The following SND1 variants were observed in gnomAD, a reference collection of about 807,000 sequenced individuals.
The protein encoded by SND1 is staphylococcal nuclease domain-containing protein 1.
A neutral mutation model predicts 121.7 loss-of-function variants in SND1; 38 were observed. The observed-to-expected ratio is 0.31, with a 90% CI of 0.24 to 0.41. The LOEUF is 0.41. Among genes scored for constraint, SND1 ranks in the 10% least tolerant of loss-of-function variants. SND1 has a pLI of 1.00. For missense variants in SND1, 868 were observed against 1,184.6 expected (o/e 0.73, Z 3.92); for synonymous variants, 401 against 447.4 (o/e 0.90, Z 1.31).
rs75121062 is a variant in SND1, at chr7:127,674,418, A to G, written c.79-12195A>G. Among the ~76,000 whole-genome samples the G allele has an allele frequency of 3.4e-4, 51 of 152,204 alleles. 1 individual carries two copies. In the East Asian group the frequency reaches 8.5e-3, roughly 25 times the overall value. The stretch of plus-strand genomic sequence containing the variant: ...TTTTTCTGGACTTTCTGTATCTGTA[A>G]CTCTCCTCTGAGAAACCTAGCTCTC... On this transcript the variant is annotated intron_variant, in intron 1 of 23. Coordinates refer to ENST00000354725, the MANE Select transcript of SND1 (RefSeq NM_014390.4).
intron 10 of SND1, among the ~76,000 whole-genome samples, chr7:127,734,946 G>C (rs941206453): frequency 1.3e-5 from 2 of 152,180 alleles, no homozygotes; most frequent in African/African-American, 2.4e-5. Context: ...AGAATATTTT[G>C]ATGGGCCAAG....
At chr7:128,050,222 G>C (rs993382706) in intron 16 of SND1, among the ~76,000 whole-genome samples, 4 of 152,164 alleles carry the variant, frequency 2.6e-5, no homozygotes, top group African/African-American at 9.7e-5. Context: ...TTTTCTGTTT[G>C]AACGCCTCTA....
chr7:127,670,850 C>T (rs547002832), intron 1 of SND1, among the ~76,000 whole-genome samples: 1 of 151,168 alleles, frequency 6.6e-6, no homozygotes, highest in Non-Finnish European at 1.5e-5. Flanking sequence ...AAAAAAAAAC[C>T]ATGAGATAAT....
chr7:128,028,618 C>T, intron 16 of SND1: 1 of 1,494,864 alleles, frequency 6.7e-7, no homozygotes, highest in Non-Finnish European at 9.1e-7. Flanking sequence ...CCACTCTGTA[C>T]AAAAGTTGCT....
chr7:127,663,894 C>T (rs1361950034), intron 1 of SND1, among the ~76,000 whole-genome samples: 2 of 152,156 alleles, frequency 1.3e-5, no homozygotes, highest in African/African-American at 4.8e-5. Context: ...GACTTTTTTC[C>T]TATTTGCTGG....
chr7:127,999,289 C>A (rs929087645), intron 16 of SND1: 1 of 152,042 alleles, frequency 6.6e-6, no homozygotes, highest in Non-Finnish European at 1.5e-5. Context: ...GCTTCCCTTC[C>A]CTTCCCCTAG....
Position 127,752,962 on chromosome 7 carries a change from T to C in SND1, c.1152+31562T>C, listed in dbSNP as rs748688180. ...TGCCTCCTTGTCTTCCATCGTTGTC[T>C]AAGGAATATCTGCTTGAAGACAGCT... On this transcript the variant is annotated intron_variant, in intron 10 of 23. Transcript: ENST00000354725. Among the ~76,000 whole-genome samples, 63 of 152,334 alleles carry C rather than the reference T, an allele frequency of 4.1e-4. 1 individual carries two copies. Among genetic ancestry groups the C allele is most frequent in the Non-Finnish European group, 1.0e-4 (7 of 68,028 alleles).
At chr7:127,922,180 T>TTTTTTG (rs1800724090) in intron 14 of SND1, among the ~76,000 whole-genome samples, 2 of 74,134 alleles carry the variant, frequency 2.7e-5, no homozygotes, top group Non-Finnish European at 5.7e-5. Context: ...CTTTCCTTTT[T>TTTTTTG]TTTTTTTTTT....
At chr7:127,899,231 T>C (rs1345587733) in intron 13 of SND1, among the ~76,000 whole-genome samples, 1 of 152,092 alleles carries the variant, frequency 6.6e-6, no homozygotes. Flanking sequence ...GAAAGTCATA[T>C]GTTGCAGTTT....
Position 128,086,944 on chromosome 7 carries a change from G to T in SND1, c.2311G>T (p.Val771Phe). The T allele has an allele frequency of 6.2e-7, 1 of 1,613,934 alleles. No homozygotes were observed. The highest frequency in any genetic ancestry group is 8.5e-7 in the Non-Finnish European group (1 of 1,179,852). The change falls in exon 21 of 24, where the codon GTC (valine) becomes TTC (phenylalanine). Residue 771 changes from valine (V) to phenylalanine (F), a missense_variant. This residue lies in a region of SND1 where 743 missense variants were observed against 1,071.3 expected (regional missense o/e 0.69). Coordinates refer to ENST00000354725, the MANE Select transcript of SND1 (RefSeq NM_014390.4). ...VFYIDYGNREVLPSTRLGTLS... is the reference protein window; with the variant it reads ...VFYIDYGNREFLPSTRLGTLS... ...CCTGCTGCTTCCTCTGCAGAGAGAG[G>T]TCCTGCCATCCACCCGCCTGGGTAC...
chr7:127,950,921 C>A (rs1490314666), intron 15 of SND1, among the ~76,000 whole-genome samples: 1 of 152,020 alleles, frequency 6.6e-6, no homozygotes, highest in East Asian at 1.9e-4. Flanking sequence ...AAGCAAGCAC[C>A]ATTTCAGAAC....
chr7:127,771,528 A>G (rs751113721), intron 10 of SND1, among the ~76,000 whole-genome samples: 4 of 152,034 alleles, frequency 2.6e-5, no homozygotes, highest in Non-Finnish European at 4.4e-5. Context: ...TTGCCAGTCG[A>G]TTTTCCATCT....
rs1799672406 is a variant in SND1 at position 127,875,517 on chromosome 7, A to C, written c.1344-12385A>C. Among the ~76,000 whole-genome samples, 3 of 152,264 alleles carry C rather than the reference A, an allele frequency of 2.0e-5. No homozygotes were observed. The South Asian group carries it at 6.2e-4, about 32-fold the overall frequency. ...CAGAGGTATGAGGGTAGATTGTAGA[A>C]TACCTTTAATAGTCTGTTGCCCTGG... On this transcript the variant is annotated intron_variant, in intron 12 of 23. Coordinates refer to ENST00000354725, the MANE Select transcript of SND1 (RefSeq NM_014390.4).
rs532740604 is a variant in SND1, at chr7:128,088,376, G to A, written c.2419-1113G>A. Among the ~76,000 whole-genome samples, 338 of 150,046 alleles carry A rather than the reference G, an allele frequency of 2.3e-3. 2 individuals are homozygous for A. Among genetic ancestry groups the A allele is most frequent in the Admixed American group, 3.8e-3 (58 of 15,090 alleles). ...TTCAGGAGACTGCGGTGAGAGGATC[G>A]CTCGAGCCCACAAGTTCAAGGTTGC... On this transcript the variant is annotated intron_variant, in intron 21 of 23. Transcript: ENST00000354725.
chr7:127,985,325 T>C (rs1802362567), intron 15 of SND1, among the ~76,000 whole-genome samples: 1 of 152,192 alleles, frequency 6.6e-6, no homozygotes, highest in East Asian at 1.9e-4. Context: ...TGGTACAATC[T>C]CAGCTCACTG....
At chr7:127,872,838 A>G (rs369764723) in intron 12 of SND1, among the ~76,000 whole-genome samples, 22 of 152,228 alleles carry the variant, frequency 1.4e-4, no homozygotes, top group African/African-American at 3.9e-4. Context: ...ATTTTTTTCT[A>G]TTGGGAAAAT....
chr7:127,711,553 G>A (rs943486920), intron 9 of SND1, among the ~76,000 whole-genome samples: 1 of 152,022 alleles, frequency 6.6e-6, no homozygotes, highest in African/African-American at 2.4e-5. Flanking sequence ...TGATCCTAGT[G>A]TTCCAACATT....
At chr7:127,774,467 G>A (rs1230914730) in intron 10 of SND1, among the ~76,000 whole-genome samples, 2 of 152,010 alleles carry the variant, frequency 1.3e-5, no homozygotes, top group Non-Finnish European at 2.9e-5. Flanking sequence ...AGGCCTTCAC[G>A]TTCACTCACC....
chr7:127,993,006 C>T (rs191535380), intron 16 of SND1, among the ~76,000 whole-genome samples: 33 of 152,292 alleles, frequency 2.2e-4, no homozygotes, highest in Middle Eastern at 6.8e-3. Flanking sequence ...ATTATAGTGG[C>T]CCCATCTTTC....
Sources: allele counts gnomAD v4.1 joint callset (sites outside exome capture counted in the v4.1 genomes callset), GRCh38; gene constraint gnomAD v4.1.1; regional missense constraint gnomAD v4.1.1; transcripts MANE v1.5; gene names NCBI Gene and HGNC (gene_info 2026-07-23, HGNC 2026-07-21).